PTPRD: variants seen among roughly 807,000 people sequenced by gnomAD.
PTPRD encodes the protein protein tyrosine phosphatase receptor type D.
In PTPRD, 34 loss-of-function variants were observed where a neutral mutation model predicts 214.5. That is an observed-to-expected ratio of 0.16 (90% CI 0.12 to 0.21). The LOEUF is 0.21. Among genes scored for constraint, PTPRD ranks in the 10% least tolerant of loss-of-function variants. PTPRD has a pLI of 1.00. For synonymous variants in PTPRD, 1,128 were observed against 845.7 expected, an observed-to-expected ratio of 1.33 and a Z score of -5.79; for missense variants, 2,545 against 2,398.7, an observed-to-expected ratio of 1.06 and a Z score of -1.27.
At chr9:9,803,818 T>C (rs1213930551) in intron 5 of PTPRD, 6 of 152,056 alleles carry the variant, frequency 3.9e-5, no homozygotes. Context: ...GAGAAGCTCA[T>C]ATGTTAATGA....
intron 11 of PTPRD, among the ~76,000 whole-genome samples, chr9:8,994,355 T>C (rs1263765633): frequency 6.6e-6 from 1 of 152,150 alleles, no homozygotes; most frequent in Non-Finnish European, 1.5e-5. Context: ...TGTTTGTAGA[T>C]AGTTCCTTCA....
intron 3 of PTPRD, among the ~76,000 whole-genome samples, chr9:10,237,581 G>C (rs1446507321): frequency 6.6e-6 from 1 of 151,846 alleles, no homozygotes; most frequent in Non-Finnish European, 1.5e-5. Flanking sequence ...CACATGACAT[G>C]AACAAAAATT....
intron 14 of PTPRD, among the ~76,000 whole-genome samples, chr9:8,574,079 T>A (rs2091851120): frequency 6.6e-6 from 1 of 151,914 alleles, no homozygotes; most frequent in African/African-American, 2.4e-5. Context: ...TATTGCTCCA[T>A]CTCAACTCCT....
intron 11 of PTPRD, among the ~76,000 whole-genome samples, chr9:8,969,172 A>C (rs2099220110): frequency 6.6e-6 from 1 of 152,084 alleles, no homozygotes; most frequent in African/African-American, 2.4e-5. Context: ...AGAAACTAAA[A>C]CACTGACATC....
intron 5 of PTPRD, among the ~76,000 whole-genome samples, chr9:9,828,070 C>T (rs200441004): frequency 3.3e-5 from 5 of 152,102 alleles, no homozygotes; most frequent in Non-Finnish European, 7.4e-5. Flanking sequence ...TGTAAACTAG[C>T]TCAACCCTTG....
intron 11 of PTPRD, among the ~76,000 whole-genome samples, chr9:8,997,474 G>A (rs147722955): frequency 3.4e-4 from 52 of 152,040 alleles, no homozygotes; most frequent in African/African-American, 8.9e-4. Flanking sequence ...TTGTTGTGGG[G>A]CACCACAAAC....
chr9:10,018,575 T>C (rs1265091467), intron 4 of PTPRD, among the ~76,000 whole-genome samples: 3 of 94,704 alleles, frequency 3.2e-5, no homozygotes, highest in Admixed American at 1.5e-4. Context: ...TGAGACGGAG[T>C]CTCGCTCTGT....
chr9:8,335,939 ACCACTGCT>A (rs1846214460), intron 43 of PTPRD, among the ~76,000 whole-genome samples: 1 of 152,196 alleles, frequency 6.6e-6, no homozygotes, highest in African/African-American at 2.4e-5. Context: ...AGAACTGCAA[ACCACTGCT>A]CAAGGAAATA....
intron 5 of PTPRD, among the ~76,000 whole-genome samples, chr9:9,892,581 G>A (rs2073730466): frequency 6.6e-6 from 1 of 152,058 alleles, no homozygotes; most frequent in Non-Finnish European, 1.5e-5. Context: ...GAACTAGTAA[G>A]ATGAAAAAGC....
intron 10 of PTPRD, among the ~76,000 whole-genome samples, chr9:9,068,040 T>A (rs1279809517): frequency 1.3e-5 from 2 of 152,240 alleles, no homozygotes; most frequent in Non-Finnish European, 2.9e-5. Context: ...TCTCCACATC[T>A]ATAATTTTGT....
intron 3 of PTPRD, among the ~76,000 whole-genome samples, chr9:10,149,721 GTCTTTTTTTTTCTTTTTTTTTTT>G (rs2099047678): frequency 6.6e-6 from 1 of 150,762 alleles, no homozygotes. Context: ...ACAATACCTT[GTCTTTTTTTTTCTTTTTTTTTTT>G]TTCTGAGATG....
Position 8,524,939 on chromosome 9 carries a change from T to C in PTPRD, c.665A>G (p.Asn222Ser), listed in dbSNP as rs370014994. The stretch of plus-strand genomic sequence containing the variant: ...GTCATTCCTACCTCTGACATATAAA[T>C]TGGCAGGAGCGGAATAGCGAGTGCC... The part of the protein sequence containing the change: ...SAGTRYSAPA[N>S]LYVRELREVR... The change falls in exon 18 of 46, where the codon AAT (asparagine) becomes AGT (serine). Residue 222 changes from asparagine to serine, a missense_variant. Transcript: ENST00000381196. The C allele has an allele frequency of 2.5e-6, 4 of 1,613,572 alleles. No individual in the cohort carries two copies. The highest frequency in any genetic ancestry group is 1.3e-5 in the African/African-American group (1 of 74,996).
chr9:10,169,450 G>A (rs1232308249), intron 3 of PTPRD, among the ~76,000 whole-genome samples: 2 of 135,960 alleles, frequency 1.5e-5, no homozygotes, highest in African/African-American at 3.1e-5. Context: ...CTCCAGCCTG[G>A]GCGAAAGAGC....
intron 12 of PTPRD, among the ~76,000 whole-genome samples, chr9:8,668,070 C>T (rs1453114629): frequency 6.6e-6 from 1 of 152,052 alleles, no homozygotes; most frequent in Non-Finnish European, 1.5e-5. Flanking sequence ...AGTGAAGATA[C>T]CCAATGACCA....
chr9:9,324,824 G>A (rs1171868353), intron 9 of PTPRD, among the ~76,000 whole-genome samples: 3 of 152,040 alleles, frequency 2.0e-5, no homozygotes, highest in Non-Finnish European at 2.9e-5. Context: ...TATGGTTTTA[G>A]GTCTAACATG....
At chr9:9,807,071 C>G (rs1417205187) in intron 5 of PTPRD, among the ~76,000 whole-genome samples, 1 of 152,108 alleles carries the variant, frequency 6.6e-6, no homozygotes, top group African/African-American at 2.4e-5. Flanking sequence ...TGGCCCTCTT[C>G]CAAGTATATT....
chr9:9,400,902 G>A (rs574982551), intron 8 of PTPRD, among the ~76,000 whole-genome samples: 1 of 151,852 alleles, frequency 6.6e-6, no homozygotes, highest in Non-Finnish European at 1.5e-5. Context: ...CTCCATATTC[G>A]ACCATTTAAT....
chr9:9,930,566 T>A (rs2086133719), intron 5 of PTPRD, among the ~76,000 whole-genome samples: 1 of 152,162 alleles, frequency 6.6e-6, no homozygotes, highest in African/African-American at 2.4e-5. Flanking sequence ...GAAGTAACTT[T>A]GAATATTTGA....
At chr9:9,597,519 T>C (rs368724158) in intron 7 of PTPRD, among the ~76,000 whole-genome samples, 22 of 152,012 alleles carry the variant, frequency 1.4e-4, no homozygotes, top group African/African-American at 4.8e-4. Context: ...ATGATTATTA[T>C]AAAGAATGTC....
Sources: gnomAD v4.1 joint callset for allele counts (sites outside exome capture counted in the v4.1 genomes callset) on GRCh38, gnomAD v4.1.1 for gene constraint, MANE v1.5 for transcripts, NCBI Gene and HGNC (gene_info 2026-07-23, HGNC 2026-07-21) for gene names.